FBN1: variants seen among roughly 807,000 people sequenced by gnomAD.
FBN1 encodes fibrillin 1, also known as fibrillin-1.
Under a neutral mutation model 365.1 loss-of-function variants are expected in FBN1, and 29 were observed. The ratio of observed to expected loss-of-function variants is 0.08; its 90% CI spans 0.06 to 0.11. FBN1 has a LOEUF of 0.11. FBN1 is among the 10% of genes least tolerant of loss of function. The pLI is 1.00. For missense variants in FBN1, 2,476 were observed against 3,703.2 expected (o/e 0.67, Z 8.60); for synonymous variants, 1,210 against 1,270.5 (o/e 0.95, Z 1.01).
At chr15:48,588,818 G>A (rs967247215) in intron 6 of FBN1, among the ~76,000 whole-genome samples, 2 of 152,148 alleles carry the variant, frequency 1.3e-5, no homozygotes, top group African/African-American at 4.8e-5. Flanking sequence ...CTGGTGAAGG[G>A]CCACATTATG....
intron 6 of FBN1, among the ~76,000 whole-genome samples, chr15:48,554,573 A>C (rs1014038673): frequency 2.0e-5 from 3 of 152,208 alleles, no homozygotes; most frequent in African/African-American, 7.2e-5. Context: ...GAGAAGCAGG[A>C]AAGAGATGGT....
chr15:48,493,100 T>C (rs1183525314), intron 23 of FBN1, among the ~76,000 whole-genome samples: 3 of 152,128 alleles, frequency 2.0e-5, no homozygotes, highest in South Asian at 2.1e-4. Flanking sequence ...AACTCAGCCA[T>C]GGTCTCAGGC....
chr15:48,434,316 C>T (rs142958312), intron 54 of FBN1, among the ~76,000 whole-genome samples: 7 of 152,204 alleles, frequency 4.6e-5, no homozygotes, highest in African/African-American at 1.4e-4. Flanking sequence ...TTAAACAACA[C>T]GGAAGCATCT....
intron 2 of FBN1, among the ~76,000 whole-genome samples, chr15:48,613,764 C>T (rs2044674997): frequency 6.6e-6 from 1 of 152,192 alleles, no homozygotes; most frequent in South Asian, 2.1e-4. Context: ...CCCATCTCTA[C>T]CAAAAATACA....
At chr15:48,444,179 A>G (rs990096477) in intron 49 of FBN1, among the ~76,000 whole-genome samples, 1 of 152,220 alleles carries the variant, frequency 6.6e-6, no homozygotes, top group African/African-American at 2.4e-5. Context: ...GTGGTCATTT[A>G]AAGTTTTTAA....
chr15:48,531,159 G>A (rs1312523612), intron 8 of FBN1, among the ~76,000 whole-genome samples: 2 of 151,950 alleles, frequency 1.3e-5, no homozygotes, highest in Non-Finnish European at 2.9e-5. Flanking sequence ...CTTCTTAAAT[G>A]TATGAAAATT....
intron 6 of FBN1, among the ~76,000 whole-genome samples, chr15:48,585,048 AT>A (rs899144516): frequency 2.6e-5 from 4 of 152,232 alleles, no homozygotes; most frequent in African/African-American, 9.6e-5. Context: ...GAATATGATC[AT>A]TTCCATTGGG....
chr15:48,567,998 T>A (rs1202159108), intron 6 of FBN1, among the ~76,000 whole-genome samples: 4 of 56,532 alleles, frequency 7.1e-5, no homozygotes, highest in Non-Finnish European at 6.0e-5. Flanking sequence ...AGTATACAGA[T>A]AAGAAAGAAA....
chr15:48,617,526 A>T (rs570169951), intron 2 of FBN1, among the ~76,000 whole-genome samples: 1 of 152,290 alleles, frequency 6.6e-6, no homozygotes, highest in East Asian at 1.9e-4. Context: ...AAGAGGGAAA[A>T]TACATTTATA....
At chr15:48,518,131 T>C (rs1179000454) in intron 10 of FBN1, among the ~76,000 whole-genome samples, 1 of 152,242 alleles carries the variant, frequency 6.6e-6, no homozygotes. Context: ...TACTTGAATG[T>C]ATTTGTAAAG....
chr15:48,584,138 T>C (rs1414660552), intron 6 of FBN1, among the ~76,000 whole-genome samples: 2 of 152,350 alleles, frequency 1.3e-5, no homozygotes, highest in South Asian at 2.1e-4. Context: ...ACATTTCTTA[T>C]ACATGTATTA....
In FBN1 at chr15:48,516,271, G is replaced by C. The variant is rs1308682011; in HGVS notation, c.1239C>G (p.Leu413=). The change falls in exon 11 of 66, where the codon CTC becomes CTG. Residue 413 remains leucine (L), a synonymous_variant. Coordinates refer to ENST00000316623, the MANE Select transcript of FBN1 (RefSeq NM_000138.5). ...PPPLGPIPPV[L]PVPPGFPPGP... ...CAGGAGGAAAGCCAGGAGGAACAGG[G>C]AGAACTGGAGGAATGGGGCCAAGGG... 1.9e-6 allele frequency: 3 copies of C among 1,610,966 alleles called. No individual in the cohort carries two copies. The highest frequency in any genetic ancestry group is 2.7e-5 in the African/African-American group (2 of 74,788).
intron 32 of FBN1, among the ~76,000 whole-genome samples, chr15:48,480,177 G>A (rs771776993): frequency 6.6e-6 from 1 of 152,164 alleles, no homozygotes; most frequent in Non-Finnish European, 1.5e-5. Flanking sequence ...GGGAATGAAG[G>A]TTGTTCCATG....
intron 35 of FBN1, among the ~76,000 whole-genome samples, chr15:48,471,445 T>G (rs2043376356): frequency 6.6e-6 from 1 of 152,212 alleles, no homozygotes; most frequent in Non-Finnish European, 1.5e-5. Flanking sequence ...ACTGTGACTA[T>G]TTGTGTCACC....
chr15:48,453,193 T>G (rs1290318625), intron 44 of FBN1, among the ~76,000 whole-genome samples: 1 of 146,636 alleles, frequency 6.8e-6, no homozygotes, highest in Non-Finnish European at 1.5e-5. Context: ...GAGATGGAGG[T>G]AGCAGCGAGC....
intron 27 of FBN1, among the ~76,000 whole-genome samples, 153 bp from the exon 28 acceptor site, chr15:48,487,590 T>C (rs899153693): frequency 1.3e-5 from 2 of 152,226 alleles, no homozygotes; most frequent in African/African-American, 4.8e-5. Flanking sequence ...CAGATCTCCC[T>C]GCAGGATCAG....
At chr15:48,568,398 A>C (rs2044277856) in intron 6 of FBN1, among the ~76,000 whole-genome samples, 1 of 152,156 alleles carries the variant, frequency 6.6e-6, no homozygotes, top group Non-Finnish European at 1.5e-5. Context: ...CCATGTTCAC[A>C]GAATGGAAAA....
At chr15:48,505,204 C>G in intron 15 of FBN1, 57 bp from the exon 16 acceptor site, 1 of 1,606,446 alleles carries the variant, frequency 6.2e-7, no homozygotes, top group Non-Finnish European at 8.5e-7. Context: ...AAAATTATAA[C>G]ATGTTGACAA....
At chr15:48,508,293 A>T (rs1186520785) in intron 15 of FBN1, among the ~76,000 whole-genome samples, 1 of 152,200 alleles carries the variant, frequency 6.6e-6, no homozygotes, top group East Asian at 1.9e-4. Flanking sequence ...AACAATGCCC[A>T]CATCTGTTGG....
Sources: allele counts gnomAD v4.1 joint callset (sites outside exome capture counted in the v4.1 genomes callset), GRCh38; gene constraint gnomAD v4.1.1; transcripts MANE v1.5; gene names NCBI Gene and HGNC (gene_info 2026-07-23, HGNC 2026-07-21).